DHRSX: variants seen among roughly 807,000 people sequenced by gnomAD.
The protein encoded by DHRSX is polyprenol dehydrogenase.
Under a neutral mutation model 34.0 loss-of-function variants are expected in DHRSX, and 31 were observed. The observed-to-expected ratio is 0.91, with a 90% CI of 0.69 to 1.23. The LOEUF (loss-of-function observed/expected upper bound fraction) is 1.23, where lower values mean the gene tolerates loss of function less well. DHRSX is among the 50% of genes most tolerant of loss of function. DHRSX has a pLI of 0.00. For missense variants in DHRSX, 414 were observed against 428.1 expected (o/e 0.97, Z 0.29); for synonymous variants, 201 against 183.8 (o/e 1.09, Z -0.76).
At chrX:2,237,848 G>A (rs1387046482) in intron 6 of DHRSX, among the ~76,000 whole-genome samples, 1 of 152,058 alleles carries the variant, frequency 6.6e-6, no homozygotes, top group East Asian at 1.9e-4. Context: ...GACAACTGGG[G>A]TGGGAAGAGA....
intron 3 of DHRSX, among the ~76,000 whole-genome samples, chrX:2,315,421 T>A (rs1286839822): frequency 6.6e-6 from 1 of 152,152 alleles, no homozygotes; most frequent in Non-Finnish European, 1.5e-5. Flanking sequence ...TAAACAGACT[T>A]AGACTAAGGT....
At chrX:2,431,774 G>C (rs1035028889) in intron 1 of DHRSX, among the ~76,000 whole-genome samples, 14 of 152,236 alleles carry the variant, frequency 9.2e-5, no homozygotes, top group Admixed American at 2.0e-4. Context: ...GAAGGGATGG[G>C]GCAAGGGTTG....
At chrX:2,468,412 G>A (rs964243853) in intron 1 of DHRSX, among the ~76,000 whole-genome samples, 42 of 150,646 alleles carry the variant, frequency 2.8e-4, no homozygotes, top group African/African-American at 1.0e-3. Context: ...GCTGACAGAG[G>A]AAACGGATAC....
intron 3 of DHRSX, among the ~76,000 whole-genome samples, chrX:2,395,905 G>A (rs1389736447): frequency 3.3e-5 from 5 of 151,934 alleles, no homozygotes; most frequent in South Asian, 2.1e-4. Flanking sequence ...GTCTCTACTC[G>A]TCTCCCGAGG....
chrX:2,274,795 G>T (rs991763170), intron 4 of DHRSX, among the ~76,000 whole-genome samples: 1 of 152,090 alleles, frequency 6.6e-6, no homozygotes, highest in Non-Finnish European at 1.5e-5. Context: ...CACCTGAAAC[G>T]CTGATATTTA....
chrX:2,430,496 G>A (rs2043904976), intron 1 of DHRSX, among the ~76,000 whole-genome samples: 1 of 152,082 alleles, frequency 6.6e-6, no homozygotes, highest in Non-Finnish European at 1.5e-5. Flanking sequence ...CTTCCTCAGG[G>A]TTTTGGGTTT....
chrX:2,319,979 C>A (rs1035271872), intron 3 of DHRSX, among the ~76,000 whole-genome samples: 1 of 151,936 alleles, frequency 6.6e-6, no homozygotes, highest in Non-Finnish European at 1.5e-5. Flanking sequence ...CAGGCACGCA[C>A]CACCATTCCC....
chrX:2,327,352 C>T (rs750589537), intron 3 of DHRSX, among the ~76,000 whole-genome samples: 5 of 152,300 alleles, frequency 3.3e-5, no homozygotes, highest in African/African-American at 1.2e-4. Flanking sequence ...GTACTCCAAC[C>T]ACAGAAACGA....
At chrX:2,408,606 AAAG>A in intron 3 of DHRSX, 136 bp downstream of exon 3, 1 of 740,936 alleles carries the variant, frequency 1.3e-6, no homozygotes, top group East Asian at 2.7e-5. Flanking sequence ...GAAATCCCCA[AAAG>A]AAGAGTGCAA....
chrX:2,490,607 C>T (rs200566996), intron 1 of DHRSX: 1 of 1,613,976 alleles, frequency 6.2e-7, no homozygotes, highest in Non-Finnish European at 8.5e-7. Flanking sequence ...CTGCAGGATG[C>T]ATCCCTCGGC....
At chrX:2,482,032 G>A (rs1047559348) in intron 1 of DHRSX, among the ~76,000 whole-genome samples, 4 of 151,230 alleles carry the variant, frequency 2.6e-5, no homozygotes, top group East Asian at 3.9e-4. Context: ...TGGCATGATC[G>A]TAGTTTATGG....
intron 3 of DHRSX, among the ~76,000 whole-genome samples, chrX:2,325,261 C>G (rs763404516): frequency 6.6e-6 from 1 of 152,040 alleles, no homozygotes; most frequent in South Asian, 2.1e-4. Context: ...TAGACACGTT[C>G]AAGATGGCGG....
intron 3 of DHRSX, among the ~76,000 whole-genome samples, chrX:2,382,957 TCATCAC>T (rs2043229297): frequency 1.5e-5 from 2 of 132,096 alleles, no homozygotes; most frequent in South Asian, 5.5e-4. Context: ...ATCATTTCTA[TCATCAC>T]CATCACCATC....
At chrX:2,462,397 T>G (rs1005683258) in intron 1 of DHRSX, among the ~76,000 whole-genome samples, 8 of 151,952 alleles carry the variant, frequency 5.3e-5, no homozygotes, top group African/African-American at 1.7e-4. Flanking sequence ...TGACACAACA[T>G]TTATATAAAA....
intron 4 of DHRSX, among the ~76,000 whole-genome samples, chrX:2,273,899 C>G (rs1308896956): frequency 2.0e-5 from 3 of 152,212 alleles, no homozygotes; most frequent in Admixed American, 6.5e-5. Flanking sequence ...CCGAGCCGTG[C>G]TAGGGACTCG....
At chrX:2,474,707 G>A (rs771636250) in intron 1 of DHRSX, among the ~76,000 whole-genome samples, 165 of 151,858 alleles carry the variant, frequency 1.1e-3, no homozygotes, top group Non-Finnish European at 2.2e-3. Flanking sequence ...GTGTGGCTAA[G>A]GGACCTCTGC....
rs141470598 is a variant in DHRSX, at chrX:2,401,357, C to T, written c.286+7388G>A. Among the ~76,000 whole-genome samples the T allele has an allele frequency of 2.9e-3, 440 of 152,250 alleles. 1 individual carries two copies. The highest frequency in any genetic ancestry group is 0.01 in the African/African-American group (423 of 41,550). On this transcript the variant is annotated intron_variant, in intron 3 of 6. Transcript: ENST00000334651. ...AACTCCTGACCTCAAGCTATCTGCCCGCCTAGGCCTCCCAAAGAGCTGGGA... is the reference window on the plus strand; with the variant it reads ...AACTCCTGACCTCAAGCTATCTGCCTGCCTAGGCCTCCCAAAGAGCTGGGA...
At chrX:2,237,377 C>T (rs1413759880) in intron 6 of DHRSX, among the ~76,000 whole-genome samples, 2 of 151,970 alleles carry the variant, frequency 1.3e-5, no homozygotes, top group African/African-American at 4.8e-5. Flanking sequence ...GTGAAGTGGG[C>T]GCAGTCTACA....
chrX:2,339,617 CG>C (rs1335457808), intron 3 of DHRSX, among the ~76,000 whole-genome samples: 2 of 152,082 alleles, frequency 1.3e-5, no homozygotes, highest in African/African-American at 4.8e-5. Context: ...TTAGCTTCCA[CG>C]TATCAGTGAC....
Sources: gnomAD v4.1 joint callset for allele counts (sites outside exome capture counted in the v4.1 genomes callset) on GRCh38, gnomAD v4.1.1 for gene constraint, MANE v1.5 for transcripts, NCBI Gene and HGNC (gene_info 2026-07-23, HGNC 2026-07-21) for gene names.